The following CCDC178 variants were observed in gnomAD, a reference collection of about 807,000 sequenced individuals.
CCDC178 encodes the protein coiled-coil domain containing 178.
A neutral mutation model predicts 117.4 loss-of-function variants in CCDC178; 126 were observed. The ratio of observed to expected loss-of-function variants is 1.07; its 90% CI spans 0.93 to 1.24. The LOEUF (loss-of-function observed/expected upper bound fraction) is 1.24. CCDC178 is among the 50% of genes most tolerant of loss of function. The probability of loss-of-function intolerance (pLI) is 0.00; values close to 1 mark genes in which losing one functional copy is unlikely to be tolerated. For missense variants in CCDC178, 1,030 were observed against 986.9 expected (o/e 1.04, Z -0.59); for synonymous variants, 283 against 313.4 (o/e 0.90, Z 1.02).
chr18:33,251,109 G>A (rs2059614962), intron 14 of CCDC178, among the ~76,000 whole-genome samples: 1 of 151,518 alleles, frequency 6.6e-6, no homozygotes, highest in African/African-American at 2.4e-5. Context: ...AAATAGACGT[G>A]TTTATTTTTT....
intron 9 of CCDC178, among the ~76,000 whole-genome samples, chr18:33,339,629 T>G (rs1264554746): frequency 6.6e-6 from 1 of 151,946 alleles, no homozygotes; most frequent in Non-Finnish European, 1.5e-5. Context: ...AATTCCCACA[T>G]GTTGTGGAAG....
At chr18:33,338,374 C>T (rs1170373124) in intron 9 of CCDC178, among the ~76,000 whole-genome samples, 1 of 152,064 alleles carries the variant, frequency 6.6e-6, no homozygotes, top group Non-Finnish European at 1.5e-5. Flanking sequence ...AAGTAGATCT[C>T]CCATTTGATC....
intron 21 of CCDC178, among the ~76,000 whole-genome samples, chr18:33,039,682 T>G (rs998403277): frequency 6.6e-6 from 1 of 151,960 alleles, no homozygotes; most frequent in Admixed American, 6.6e-5. Flanking sequence ...AAAGGCACTA[T>G]TTCAAAACGA....
intron 21 of CCDC178, among the ~76,000 whole-genome samples, chr18:33,023,054 A>G (rs1286127949): frequency 6.6e-6 from 1 of 152,170 alleles, no homozygotes; most frequent in African/African-American, 2.4e-5. Flanking sequence ...CTAAATGTGT[A>G]TGAACCTAAA....
At chr18:32,972,971 A>G (rs2054959637) in intron 22 of CCDC178, among the ~76,000 whole-genome samples, 1 of 152,068 alleles carries the variant, frequency 6.6e-6, no homozygotes, top group Non-Finnish European at 1.5e-5. Context: ...TTCCCCAAAT[A>G]CAATCCAACC....
At chr18:33,151,025 A>T (rs1275574564) in intron 20 of CCDC178, among the ~76,000 whole-genome samples, 3 of 152,190 alleles carry the variant, frequency 2.0e-5, no homozygotes, top group Non-Finnish European at 4.4e-5. Context: ...GTTCTCACTT[A>T]TAAGTGGGAG....
chr18:33,409,123 G>A (rs949736829), intron 3 of CCDC178, among the ~76,000 whole-genome samples: 5 of 152,058 alleles, frequency 3.3e-5, no homozygotes, highest in Admixed American at 2.6e-4. Context: ...TTGAGACAGG[G>A]TCTTGCTCTT....
chr18:33,046,568 T>G (rs2056646531), intron 21 of CCDC178, among the ~76,000 whole-genome samples: 1 of 152,070 alleles, frequency 6.6e-6, no homozygotes, highest in African/African-American at 2.4e-5. Flanking sequence ...ATGTTCCTAC[T>G]TAACATTTAA....
intron 3 of CCDC178, among the ~76,000 whole-genome samples, chr18:33,400,671 T>C (rs1330989047): frequency 6.6e-6 from 1 of 152,228 alleles, no homozygotes; most frequent in Non-Finnish European, 1.5e-5. Flanking sequence ...TTTAAGGGAA[T>C]GTTGTGTCTG....
chr18:33,371,178 T>G (rs192085427), intron 5 of CCDC178, among the ~76,000 whole-genome samples: 1 of 152,168 alleles, frequency 6.6e-6, no homozygotes, highest in African/African-American at 2.4e-5. Flanking sequence ...TTATAATATC[T>G]TCCTCTAGAA....
chr18:32,964,644 A>G (rs1030538168), intron 22 of CCDC178, among the ~76,000 whole-genome samples: 1 of 151,882 alleles, frequency 6.6e-6, no homozygotes, highest in Non-Finnish European at 1.5e-5. Context: ...TCTCACAGTG[A>G]CCCTTGGATA....
At chr18:33,045,917 A>T (rs2056633299) in intron 21 of CCDC178, among the ~76,000 whole-genome samples, 1 of 152,086 alleles carries the variant, frequency 6.6e-6, no homozygotes, top group Non-Finnish European at 1.5e-5. Flanking sequence ...AAACAAAAAA[A>T]ATTAGCCAGG....
chr18:33,081,044 G>A (rs573511060), intron 21 of CCDC178, among the ~76,000 whole-genome samples: 1 of 152,200 alleles, frequency 6.6e-6, no homozygotes, highest in African/African-American at 2.4e-5. Context: ...TACAATAGAG[G>A]TAACAATCAG....
At chr18:33,379,024 T>G (rs2063399636) in intron 5 of CCDC178, among the ~76,000 whole-genome samples, 1 of 151,102 alleles carries the variant, frequency 6.6e-6, no homozygotes, top group Non-Finnish European at 1.5e-5. Flanking sequence ...TCTTCTCATC[T>G]GGAGATGCTG....
intron 20 of CCDC178, among the ~76,000 whole-genome samples, chr18:33,143,130 C>T (rs777258682): frequency 6.6e-6 from 1 of 152,010 alleles, no homozygotes; most frequent in African/African-American, 2.4e-5. Context: ...TATAGAAAAC[C>T]CTTTTCCTCA....
At chr18:33,142,316 A>G (rs938288559) in intron 20 of CCDC178, among the ~76,000 whole-genome samples, 1 of 152,202 alleles carries the variant, frequency 6.6e-6, no homozygotes. Context: ...AGGATGAGGG[A>G]TCGCCATACT....
intron 20 of CCDC178, among the ~76,000 whole-genome samples, chr18:33,125,894 G>C (rs2057998645): frequency 6.6e-6 from 1 of 152,182 alleles, no homozygotes; most frequent in Non-Finnish European, 1.5e-5. Context: ...AGTGGCCTGA[G>C]ATCTGGATGG....
chr18:33,333,657 C>A (rs2062703552), intron 9 of CCDC178, among the ~76,000 whole-genome samples: 1 of 151,786 alleles, frequency 6.6e-6, no homozygotes, highest in African/African-American at 2.4e-5. Context: ...GGATTACAGG[C>A]ATGTGCCACC....
intron 11 of CCDC178, among the ~76,000 whole-genome samples, chr18:33,314,230 A>G (rs1000125596): frequency 6.9e-6 from 1 of 144,460 alleles, no homozygotes. Flanking sequence ...AAAAAAAAAA[A>G]AAAGAAATTG....
Sources: allele counts gnomAD v4.1 joint callset (sites outside exome capture counted in the v4.1 genomes callset), GRCh38; gene constraint gnomAD v4.1.1; transcripts MANE v1.5; gene names NCBI Gene and HGNC (gene_info 2026-07-23, HGNC 2026-07-21).